Variants in SLC26A7 observed in about 807,000 individuals in gnomAD.
SLC26A7 encodes anion exchange transporter.
SLC26A7 carries 59 observed loss-of-function variants against 82.5 expected under a neutral mutation model. The ratio of observed to expected loss-of-function variants is 0.72; its 90% CI spans 0.58 to 0.89. The LOEUF is 0.89. Ranked by LOEUF, SLC26A7 falls within the 40% of genes least tolerant of loss-of-function variation. The pLI is 0.00. For missense variants in SLC26A7, 820 were observed against 793.0 expected (o/e 1.03, Z -0.41); for synonymous variants, 271 against 274.3 (o/e 0.99, Z 0.12).
intron 2 of SLC26A7, among the ~76,000 whole-genome samples, chr8:91,240,028 T>TC (rs1266550519): frequency 1.3e-5 from 2 of 152,162 alleles, no homozygotes; most frequent in Non-Finnish European, 2.9e-5. Flanking sequence ...TCAGCACCTC[T>TC]CCTGTGTGCC....
chr8:91,226,880 G>T (rs939169700), intron 2 of SLC26A7, among the ~76,000 whole-genome samples: 4 of 152,230 alleles, frequency 2.6e-5, no homozygotes, highest in Non-Finnish European at 4.4e-5. Context: ...TTGAAAAGCT[G>T]AAAGCTTAGG....
At chr8:91,352,438 T>C (rs1260992909) in intron 10 of SLC26A7, among the ~76,000 whole-genome samples, 1 of 152,112 alleles carries the variant, frequency 6.6e-6, no homozygotes, top group Non-Finnish European at 1.5e-5. Context: ...ACCATTTCCA[T>C]GGTAGGATCT....
Position 91,377,323 on chromosome 8 carries a change from C to A in SLC26A7, c.1675+7490C>A, listed in dbSNP as rs112581823. 3.4e-3 allele frequency among the ~76,000 whole-genome samples: 511 copies of A among 152,276 alleles called. 8 individuals are homozygous for A. The highest frequency in any genetic ancestry group is 0.012 in the African/African-American group (486 of 41,546). ...TGCCCCCTTTCAGTGATTGGTACCA[C>A]ATCTACGTTTCCTTTGTCCCAGGGG... On this transcript the variant is annotated intron_variant, in intron 15 of 18. Transcript: ENST00000276609.
At chr8:91,211,330 C>T (rs560678590) in intron 1 of SLC26A7, among the ~76,000 whole-genome samples, 4 of 151,564 alleles carry the variant, frequency 2.6e-5, no homozygotes, top group Admixed American at 6.6e-5. Context: ...TAAGTGTATA[C>T]AGCTTGTTAA....
At chr8:91,329,430 C>T (rs570012066) in intron 5 of SLC26A7, among the ~76,000 whole-genome samples, 1 of 152,090 alleles carries the variant, frequency 6.6e-6, no homozygotes, top group African/African-American at 2.4e-5. Flanking sequence ...CTATCCACCC[C>T]CTTGTTCTTC....
upstream of SLC26A7, among the ~76,000 whole-genome samples, chr8:91,247,221 C>G (rs1388190887): frequency 6.6e-6 from 1 of 152,144 alleles, no homozygotes. Context: ...TAGAAGATAA[C>G]AATTTCATCT....
rs1813473233 is a variant in SLC26A7 at position 91,343,431 on chromosome 8, A to G, written c.1105A>G (p.Thr369Ala). The change falls in exon 9 of 19, where the codon ACG becomes GCG. Residue 369 changes from threonine (T) to alanine (A), a missense_variant. Thr to Ala is a moderately conservative substitution (Grantham distance 58). Coordinates refer to ENST00000276609, the MANE Select transcript of SLC26A7 (RefSeq NM_052832.4). ...ACCAAGTGCTGCTGCCATGGGAAGGACGGCTGGCCTGTACAGCACAGGAGC... is the reference window on the plus strand; with the variant it reads ...ACCAAGTGCTGCTGCCATGGGAAGGGCGGCTGGCCTGTACAGCACAGGAGC... ...CIPSAAAMGRTAGLYSTGAKT... is the reference protein window; with the variant it reads ...CIPSAAAMGRAAGLYSTGAKT... 6.2e-7 allele frequency: 1 copy of G among 1,612,778 alleles called. No individual in the cohort carries two copies. Among genetic ancestry groups the G allele is most frequent in the Non-Finnish European group, 8.5e-7 (1 of 1,179,866 alleles).
chr8:91,345,755 G>C (rs1261647414), intron 9 of SLC26A7, among the ~76,000 whole-genome samples: 1 of 152,110 alleles, frequency 6.6e-6, no homozygotes, highest in Non-Finnish European at 1.5e-5. Flanking sequence ...AGTGTTTCCA[G>C]TTTCAATGTG....
intron 2 of SLC26A7, among the ~76,000 whole-genome samples, chr8:91,265,879 T>C (rs1203963752): frequency 2.0e-5 from 3 of 152,176 alleles, no homozygotes; most frequent in African/African-American, 7.2e-5. Flanking sequence ...TCTCCCATTC[T>C]GTAGGTTGTC....
At chr8:91,363,611 A>G (rs1300509102) in intron 13 of SLC26A7, 73 bp downstream of exon 13, 1 of 844,050 alleles carries the variant, frequency 1.2e-6, no homozygotes, top group African/African-American at 1.8e-5. Context: ...AAGACATCAC[A>G]AAAATTAGAT....
At chr8:91,210,625 A>G (rs1809896406) in intron 1 of SLC26A7, among the ~76,000 whole-genome samples, 1 of 151,988 alleles carries the variant, frequency 6.6e-6, no homozygotes, top group Non-Finnish European at 1.5e-5. Flanking sequence ...TGAGGAAACA[A>G]GCTTGGAAGC....
intron 15 of SLC26A7, among the ~76,000 whole-genome samples, chr8:91,371,517 T>A (rs1814361330): frequency 6.6e-6 from 1 of 151,784 alleles, no homozygotes; most frequent in Admixed American, 6.6e-5. Context: ...TCTGAATTAA[T>A]TCACTTAAAA....
At chr8:91,286,712 A>G (rs1172998881) in intron 2 of SLC26A7, among the ~76,000 whole-genome samples, 27 of 152,172 alleles carry the variant, frequency 1.8e-4, no homozygotes, top group Admixed American at 1.8e-3. Flanking sequence ...TAATTCTGCT[A>G]ATTTGTTAGC....
chr8:91,225,487 C>T (rs141610499), intron 2 of SLC26A7, among the ~76,000 whole-genome samples: 2 of 151,856 alleles, frequency 1.3e-5, no homozygotes, highest in East Asian at 3.9e-4. Context: ...TGGGTCTTGC[C>T]AGCCTTCTAG....
chr8:91,332,962 G>C (rs534194222), intron 5 of SLC26A7, among the ~76,000 whole-genome samples: 86 of 152,070 alleles, frequency 5.7e-4, no homozygotes, highest in African/African-American at 2.1e-3. Flanking sequence ...ATGAATTTGA[G>C]AACCACTATG....
rs375785369 is a variant in SLC26A7 at position 91,237,038 on chromosome 8, C to T, written c.-33-12581C>T. ...GAAGTGACAGAACTGGAATTCAAACCCAATTTGACTGTTACTACTACCCGC... is the reference window on the plus strand; with the variant it reads ...GAAGTGACAGAACTGGAATTCAAACTCAATTTGACTGTTACTACTACCCGC... On this transcript the variant is annotated intron_variant, in intron 2 of 5. Transcript: ENST00000522862. Among the ~76,000 whole-genome samples, 20 of 152,258 alleles carry T rather than the reference C, an allele frequency of 1.3e-4. No homozygotes were observed. The East Asian group carries it at 2.5e-3, about 19-fold the overall frequency.
chr8:91,280,911 G>T (rs1338949846), intron 2 of SLC26A7, among the ~76,000 whole-genome samples: 1 of 152,070 alleles, frequency 6.6e-6, no homozygotes, highest in Non-Finnish European at 1.5e-5. Context: ...ATATTTCTTT[G>T]GGAAATGCTG....
chr8:91,367,388 G>T (rs1043775545), intron 14 of SLC26A7, among the ~76,000 whole-genome samples: 1 of 152,114 alleles, frequency 6.6e-6, no homozygotes, highest in African/African-American at 2.4e-5. Flanking sequence ...CTTCAGAGAC[G>T]CATAAACTGT....
chr8:91,283,610 A>G (rs1440636191), intron 2 of SLC26A7, among the ~76,000 whole-genome samples: 3 of 152,136 alleles, frequency 2.0e-5, no homozygotes, highest in Non-Finnish European at 2.9e-5. Context: ...ATTGGTACTT[A>G]GCCTTTATTC....
Sources: gnomAD v4.1 joint callset for allele counts (sites outside exome capture counted in the v4.1 genomes callset) on GRCh38, gnomAD v4.1.1 for gene constraint, MANE v1.5 for transcripts, NCBI Gene and HGNC (gene_info 2026-07-23, HGNC 2026-07-21) for gene names.